APBA1: variants seen among roughly 807,000 people sequenced by gnomAD.
The protein encoded by APBA1 is amyloid beta precursor protein binding family A member 1.
In APBA1, 55 loss-of-function variants were observed where a neutral mutation model predicts 86.6. The ratio of observed to expected loss-of-function variants is 0.64; its 90% CI spans 0.51 to 0.80. APBA1 has a LOEUF of 0.80. Among genes scored for constraint, APBA1 ranks in the 30% least tolerant of loss-of-function variants. APBA1 has a pLI of 0.00. For missense variants in APBA1, 1,090 were observed against 1,183.0 expected (o/e 0.92, Z 1.15); for synonymous variants, 511 against 493.9 (o/e 1.03, Z -0.46).
chr9:69,643,364 G>A (rs148057432), intron 1 of APBA1, among the ~76,000 whole-genome samples: 353 of 152,238 alleles, frequency 2.3e-3, no homozygotes, highest in African/African-American at 7.9e-3. Flanking sequence ...CAATTTGGTT[G>A]AAAGAAATAG....
rs868696792 is a variant in APBA1, at chr9:69,463,888, C to A, written c.1482+3935G>T. The A allele has an allele frequency of 9.2e-5, 14 of 152,370 alleles. 1 individual carries two copies. The highest frequency in any genetic ancestry group is 2.6e-4 in the African/African-American group (11 of 41,580). The allele number at this position is 152,370 out of a possible 1,614,324, so 9.4% of individuals were successfully genotyped here. On this transcript the variant is annotated intron_variant, in intron 5 of 12. Coordinates refer to ENST00000265381, the MANE Select transcript of APBA1 (RefSeq NM_001163.4). ...TGGATTGCAAAATAAATCCACAGAG[C>A]TTTTCTTTCTCCTTCCTTCCTGGAC... is the stretch of plus-strand genomic sequence containing the variant.
chr9:69,598,969 C>T (rs775259848), intron 1 of APBA1, among the ~76,000 whole-genome samples: 5 of 152,080 alleles, frequency 3.3e-5, no homozygotes, highest in Admixed American at 2.0e-4. Context: ...AAGCCAGTCA[C>T]AAAAGGACAA....
At chr9:69,611,264 G>A (rs1822580135) in intron 1 of APBA1, among the ~76,000 whole-genome samples, 1 of 124,724 alleles carries the variant, frequency 8.0e-6, no homozygotes, top group South Asian at 2.6e-4. Flanking sequence ...TGCTCTGTCT[G>A]ACATGCAGGG....
rs533974571 is a variant in APBA1 at position 69,564,401 on chromosome 9, G to A, written c.-69-47122C>T. ...TCTGAATTATAAAAGGCCCACTTTCGCCTCATTTTCACAGGTTATTTTCAC... is the reference window on the plus strand; with the variant it reads ...TCTGAATTATAAAAGGCCCACTTTCACCTCATTTTCACAGGTTATTTTCAC... On this transcript the variant is annotated intron_variant, in intron 1 of 12. Coordinates refer to ENST00000265381, the MANE Select transcript of APBA1 (RefSeq NM_001163.4). Among the ~76,000 whole-genome samples the A allele has an allele frequency of 4.6e-5, 7 of 152,166 alleles. No homozygotes were observed. In the South Asian group the frequency reaches 1.5e-3, roughly 32 times the overall value.
chr9:69,550,306 T>C (rs1291682145), intron 1 of APBA1, among the ~76,000 whole-genome samples: 1 of 152,200 alleles, frequency 6.6e-6, no homozygotes, highest in East Asian at 1.9e-4. Flanking sequence ...ATGAGTTAGA[T>C]TGAGTTCTTC....
rs942173266 is a variant in APBA1, at chr9:69,505,199, T to C, written c.1200+10812A>G. Among the ~76,000 whole-genome samples the C allele has an allele frequency of 2.0e-5, 3 of 152,076 alleles. No homozygotes were observed. The East Asian group carries it at 5.8e-4, about 29-fold the overall frequency. On this transcript the variant is annotated intron_variant, in intron 2 of 12. Coordinates refer to ENST00000265381, the MANE Select transcript of APBA1 (RefSeq NM_001163.4). ...TACATGTCCCAGGAAGCCCTACCCA[T>C]TGTGGTTTCAGGAGACCTGTGCTGA... is the stretch of plus-strand genomic sequence containing the variant.
In APBA1 at chr9:69,441,624, C is replaced by T. The variant is rs917926288; in HGVS notation, c.2182-509G>A. 3.3e-5 allele frequency among the ~76,000 whole-genome samples: 5 copies of T among 152,182 alleles called. No individual in the cohort carries two copies. In the East Asian group the frequency reaches 7.7e-4, roughly 23 times the overall value. On this transcript the variant is annotated intron_variant, in intron 10 of 12. Coordinates refer to ENST00000265381, the MANE Select transcript of APBA1 (RefSeq NM_001163.4). The stretch of plus-strand genomic sequence containing the variant: ...TGGCTCTTTTCTCTTGTCTCTGATG[C>T]TCCTCTTTCCCCTTCTTTCTGCCAG...
chr9:69,577,745 T>A (rs977824298), intron 1 of APBA1, among the ~76,000 whole-genome samples: 12 of 152,266 alleles, frequency 7.9e-5, no homozygotes, highest in Non-Finnish European at 7.3e-5. Flanking sequence ...AGAATGCTCA[T>A]CCTTTAGCCA....
In APBA1 at chr9:69,636,730, G is replaced by A. The variant is rs552439716; in HGVS notation, c.-70+35423C>T. 2.7e-5 allele frequency among the ~76,000 whole-genome samples: 4 copies of A among 149,708 alleles called. No homozygotes were observed. The East Asian group carries it at 7.9e-4, about 30-fold the overall frequency. On this transcript the variant is annotated intron_variant, in intron 1 of 12. Transcript: ENST00000265381. ...GATCACCTGAGCCTGGAGAAGTTGA[G>A]GCTGCAATGAGCCATGATGGCACCA... is the stretch of plus-strand genomic sequence containing the variant.
chr9:69,569,610 A>T (rs993375116), intron 1 of APBA1, among the ~76,000 whole-genome samples: 4 of 152,160 alleles, frequency 2.6e-5, no homozygotes, highest in African/African-American at 9.7e-5. Context: ...CCTCAAAAAA[A>T]TATCTACTTC....
At chr9:69,554,256 C>T (rs575037490) in intron 1 of APBA1, among the ~76,000 whole-genome samples, 2 of 152,288 alleles carry the variant, frequency 1.3e-5, no homozygotes, top group Non-Finnish European at 2.9e-5. Context: ...GAGTATTGTT[C>T]TTCCCACAGT....
At chr9:69,601,251 T>A (rs1321968023) in intron 1 of APBA1, among the ~76,000 whole-genome samples, 3 of 152,224 alleles carry the variant, frequency 2.0e-5, no homozygotes. Context: ...GTTTTTTATT[T>A]CTCTCAACAT....
intron 1 of APBA1, among the ~76,000 whole-genome samples, chr9:69,537,511 C>A (rs112305986): frequency 6.6e-6 from 1 of 151,990 alleles, no homozygotes; most frequent in African/African-American, 2.4e-5. Context: ...GGCCAACAGA[C>A]CCACTTCCTT....
chr9:69,634,954 T>C (rs1482219692), intron 1 of APBA1, among the ~76,000 whole-genome samples: 1 of 152,172 alleles, frequency 6.6e-6, no homozygotes, highest in Non-Finnish European at 1.5e-5. Flanking sequence ...GCACCAGGCC[T>C]ATCCTATAAG....
At chr9:69,576,743 T>C (rs1821808679) in intron 1 of APBA1, among the ~76,000 whole-genome samples, 1 of 152,096 alleles carries the variant, frequency 6.6e-6, no homozygotes, top group South Asian at 2.1e-4. Flanking sequence ...CATTAGGAGA[T>C]ATACCTAATG....
At chr9:69,458,713 C>T (rs1198860208) in intron 5 of APBA1, among the ~76,000 whole-genome samples, 1 of 151,596 alleles carries the variant, frequency 6.6e-6, no homozygotes, top group Non-Finnish European at 1.5e-5. Flanking sequence ...AATTTTTTTT[C>T]AAATTTCCAC....
intron 2 of APBA1, among the ~76,000 whole-genome samples, chr9:69,487,049 T>C (rs1284469321): frequency 6.6e-6 from 1 of 151,904 alleles, no homozygotes; most frequent in South Asian, 2.1e-4. Context: ...GAAAAGTGGA[T>C]AGGATGATAA....
At chr9:69,560,482 C>A (rs1378575210) in intron 1 of APBA1, among the ~76,000 whole-genome samples, 8 of 152,148 alleles carry the variant, frequency 5.3e-5, no homozygotes, top group Non-Finnish European at 1.2e-4. Flanking sequence ...CTTTTTGAAG[C>A]TGGATAGGTT....
intron 1 of APBA1, among the ~76,000 whole-genome samples, chr9:69,531,622 C>T (rs1836435259): frequency 6.6e-6 from 1 of 152,206 alleles, no homozygotes; most frequent in Non-Finnish European, 1.5e-5. Flanking sequence ...ACAGCTCACC[C>T]ACTGCCCCTG....
Sources: allele counts gnomAD v4.1 joint callset (sites outside exome capture counted in the v4.1 genomes callset), GRCh38; gene constraint gnomAD v4.1.1; transcripts MANE v1.5; gene names NCBI Gene and HGNC (gene_info 2026-07-23, HGNC 2026-07-21).